Variants in TDRKH observed in about 807,000 individuals in gnomAD.
TDRKH encodes tudor and KH domain containing, also known as tudor and KH domain-containing protein.
Under a neutral mutation model 61.3 loss-of-function variants are expected in TDRKH, and 28 were observed. The observed-to-expected ratio is 0.46, with a 90% CI of 0.34 to 0.63. The LOEUF is 0.63. Among genes scored for constraint, TDRKH ranks in the 20% least tolerant of loss-of-function variants. The pLI, the probability that TDRKH is intolerant of heterozygous loss-of-function variation, is 0.01. For synonymous variants in TDRKH, 219 were observed against 244.4 expected, an observed-to-expected ratio of 0.90 and a Z score of 0.97; for missense variants, 540 against 683.4, an observed-to-expected ratio of 0.79 and a Z score of 2.34.
chr1:151,783,150 G>T, intron 1 of TDRKH, 101 bp from the exon 2 acceptor site: 3 of 1,044,924 alleles, frequency 2.9e-6, no homozygotes, highest in South Asian at 1.9e-5. Context: ...GACTACTACT[G>T]CCTACCTTCC....
downstream of TDRKH, chr1:151,767,361 G>A (rs1366338188): frequency 6.4e-7 from 1 of 1,572,990 alleles, no homozygotes; most frequent in African/African-American, 1.4e-5. Flanking sequence ...CCTTGCAGAG[G>A]AGGGACATTA....
intron 1 of TDRKH, among the ~76,000 whole-genome samples, chr1:151,784,996 A>G (rs1051909779): frequency 1.3e-5 from 2 of 151,294 alleles, no homozygotes; most frequent in Non-Finnish European, 2.9e-5. Context: ...CAGTGGCGCA[A>G]CCATGGCTCA....
downstream of TDRKH, chr1:151,769,629 G>A (rs2460997): frequency 0.42 from 91,608 of 219,586 alleles, 20,086 homozygotes; most frequent in Non-Finnish European, 0.5. Context: ...CATCCCAGAC[G>A]ATGGGCGGCC....
chr1:151,770,226 T>C (rs1396495045), downstream of TDRKH: 4 of 1,613,790 alleles, frequency 2.5e-6, no homozygotes, highest in East Asian at 4.5e-5. Context: ...ACTCTGTGTT[T>C]GTGAACTTCC....
chr1:151,789,150 C>G lies in TDRKH; in HGVS notation c.-28+1230G>C, dbSNP rs142372822. On this transcript the variant is annotated intron_variant, in intron 1 of 12. Transcript: ENST00000368824. ...TGCAGCCTTGAACTCCCGCAGTCGT[C>G]CGGCGTAGCTGAGATTATAGGTGCG... 1.4e-4 allele frequency among the ~76,000 whole-genome samples: 22 copies of G among 152,278 alleles called. No homozygotes were observed. In the East Asian group the frequency reaches 3.9e-3, roughly 27 times the overall value.
At position 151,774,357 on chromosome 1, in the gene TDRKH, C is replaced by T; in HGVS notation, c.*95G>A. The T allele has an allele frequency of 7.7e-7, 1 of 1,301,330 alleles. No homozygotes were observed. The highest frequency in any genetic ancestry group is 1.1e-6 in the Non-Finnish European group (1 of 925,108). 80.6% of individuals were successfully genotyped at this position (1,301,330 alleles called of 1,614,324 possible). ...GAAAGAGGGAATCAAAGCAAGTGCC[C>T]CACTGTCGCCCTCATTACTTTCCTG... On this transcript the variant is annotated 3_prime_UTR_variant, in exon 13 of 13. Transcript: ENST00000368824.
chr1:151,771,297 C>T, downstream of TDRKH: 2 of 1,561,104 alleles, frequency 1.3e-6, no homozygotes, highest in Non-Finnish European at 1.7e-6. Context: ...ATTCAGGACA[C>T]TTTCCATCCT....
At chr1:151,780,955 C>T (rs776552425) in intron 3 of TDRKH, among the ~76,000 whole-genome samples, 23 of 151,974 alleles carry the variant, frequency 1.5e-4, no homozygotes, top group Admixed American at 2.0e-4. Context: ...GAGAAGTACT[C>T]TTCTCTAGAA....
chr1:151,788,470 G>A (rs774946580), intron 1 of TDRKH, among the ~76,000 whole-genome samples: 27 of 152,100 alleles, frequency 1.8e-4, no homozygotes, highest in Non-Finnish European at 2.8e-4. Context: ...CTGTGAACAA[G>A]AATAAACTGG....
Position 151,779,155 on chromosome 1 carries a change from AG to A in TDRKH, c.508del (p.Leu170TyrfsTer5), listed in dbSNP as rs764870864. 6.2e-7 allele frequency: 1 copy of A among 1,614,214 alleles called. No individual in the cohort carries two copies. Among genetic ancestry groups the A allele is most frequent in the Non-Finnish European group, 8.5e-7 (1 of 1,180,036 alleles). The stretch of plus-strand genomic sequence containing the variant: ...TCCTGAGATTTTTATAAGTCTTGAT[AG>A]TAGTAATGTCCCTTCTGATTCTTTG... ...CDKESEGTLL[L>X]SRLIKISGTQ... On this transcript the variant is annotated frameshift_variant, in exon 5 of 13. Coordinates refer to ENST00000368824, the MANE Select transcript of TDRKH (RefSeq NM_001083965.2). LOFTEE classifies it high-confidence loss of function.
downstream of TDRKH, among the ~76,000 whole-genome samples, chr1:151,772,452 T>C (rs2495396): frequency 0.41 from 62,257 of 151,876 alleles, 13,817 homozygotes; most frequent in Non-Finnish European, 0.51. Context: ...GAAAATATAG[T>C]TGCCATGTAG....
downstream of TDRKH, chr1:151,771,678 CA>C (rs1289819019): frequency 1.3e-5 from 5 of 375,806 alleles, no homozygotes; most frequent in Non-Finnish European, 2.3e-5. Flanking sequence ...TCTCAACGGA[CA>C]GAATAGGTAA....
At chr1:151,786,314 A>G (rs1381340652) in intron 1 of TDRKH, among the ~76,000 whole-genome samples, 1 of 152,156 alleles carries the variant, frequency 6.6e-6, no homozygotes, top group East Asian at 1.9e-4. Context: ...GGAGTACTGA[A>G]AACTATAGGT....
chr1:151,788,111 C>G (rs996892095), intron 1 of TDRKH, among the ~76,000 whole-genome samples: 3 of 152,162 alleles, frequency 2.0e-5, no homozygotes, highest in Non-Finnish European at 4.4e-5. Context: ...GAACCAATCC[C>G]CTGCAAATAA....
At chr1:151,788,338 C>T (rs1363702641) in intron 1 of TDRKH, among the ~76,000 whole-genome samples, 3 of 152,164 alleles carry the variant, frequency 2.0e-5, no homozygotes, top group Admixed American at 6.5e-5. Context: ...GCTTGACCCT[C>T]GGGACACAAC....
downstream of TDRKH, chr1:151,767,249 G>A (rs1384333371): frequency 6.2e-7 from 1 of 1,613,960 alleles, no homozygotes; most frequent in Admixed American, 1.7e-5. Context: ...CCTCCAGGAG[G>A]GCAAAAGCAC....
downstream of TDRKH, chr1:151,770,336 C>CA: frequency 1.3e-6 from 2 of 1,517,918 alleles, no homozygotes; most frequent in Non-Finnish European, 1.8e-6. Context: ...AGACCCTCTT[C>CA]CCCTGTCTTT....
downstream of TDRKH, chr1:151,768,289 C>A (rs1648441967): frequency 5.1e-6 from 8 of 1,557,520 alleles, no homozygotes; most frequent in East Asian, 1.9e-4. Context: ...TTTCACCCTT[C>A]TATCATGTCA....
chr1:151,779,909 T>TAAAGAATAAAGG, intron 4 of TDRKH, 42 bp downstream of exon 4: 3 of 1,544,152 alleles, frequency 1.9e-6, no homozygotes, highest in Non-Finnish European at 2.6e-6. Flanking sequence ...GGGGCAAAGG[T>TAAAGAATAAAGG]AAAGAATAAA....
Sources: gnomAD v4.1 joint callset for allele counts (sites outside exome capture counted in the v4.1 genomes callset) on GRCh38, gnomAD v4.1.1 for gene constraint, MANE v1.5 for transcripts, NCBI Gene and HGNC (gene_info 2026-07-23, HGNC 2026-07-21) for gene names.